The following HMCN1 variants were observed in gnomAD, a reference collection of about 807,000 sequenced individuals.
The protein encoded by HMCN1 is hemicentin-1.
A neutral mutation model predicts 625.9 loss-of-function variants in HMCN1; 321 were observed. The ratio of observed to expected loss-of-function variants is 0.51; its 90% CI spans 0.47 to 0.56. The LOEUF is 0.56. HMCN1 is among the 20% of genes least tolerant of loss of function. The pLI is 0.00. For missense variants in HMCN1, 6,588 were observed against 6,887.3 expected, an observed-to-expected ratio of 0.96 and a Z score of 1.54; for synonymous variants, 2,425 against 2,417.6, an observed-to-expected ratio of 1.00 and a Z score of -0.09.
In HMCN1 at chr1:186,136,844, G is replaced by A. The variant is rs1207832059; in HGVS notation, c.13489G>A (p.Ala4497Thr). ...NVLSNNSLYI[A>T]DAQKEDTSEF... ...GTTGTCCAACAACTCATTATATATT[G>A]CTGATGCTCAGAAAGAAGATACCTC... The change falls in exon 87 of 107, where the codon GCT (alanine) becomes ACT (threonine). Residue 4497 changes from alanine (A) to threonine (T), a missense_variant. Physicochemically the swap from Ala to Thr is moderately conservative, Grantham distance 58. Coordinates refer to ENST00000271588, the MANE Select transcript of HMCN1 (RefSeq NM_031935.3). The A allele has an allele frequency of 5.0e-6, 8 of 1,613,916 alleles. No individual in the cohort carries two copies. The highest frequency in any genetic ancestry group is 6.8e-6 in the Non-Finnish European group (8 of 1,179,946).
At chr1:186,037,315 T>C (rs1655898407) in intron 36 of HMCN1, among the ~76,000 whole-genome samples, 1 of 152,212 alleles carries the variant, frequency 6.6e-6, no homozygotes, top group Non-Finnish European at 1.5e-5. Context: ...ATTTCTTTTA[T>C]ATTATGCCTC....
At chr1:186,176,397 CTA>C (rs1290989474) in intron 103 of HMCN1, among the ~76,000 whole-genome samples, 1 of 152,156 alleles carries the variant, frequency 6.6e-6, no homozygotes, top group African/African-American at 2.4e-5. Context: ...TAAATACAAA[CTA>C]GAGATGTGAT....
rs780879946 is a variant in HMCN1 at position 186,065,480 on chromosome 1, C to G, written c.7705+51C>G. On this transcript the variant is annotated intron_variant, in intron 49 of 106. Transcript: ENST00000271588. ...TTAAAGAATCTGACATGACTGTAGG[C>G]TAAATTTTCTTTTCTTTTTCTGTTC... 2.2e-6 allele frequency: 3 copies of G among 1,365,192 alleles called. No individual in the cohort carries two copies. The Admixed American group carries it at 7.5e-5, about 34-fold the overall frequency. 84.6% of individuals were successfully genotyped at this position (1,365,192 alleles called of 1,614,324 possible). A position where few individuals can be genotyped will look rare whatever the true frequency, so the allele number is the denominator to read the frequency against.
chr1:186,148,450 A>G (rs1411572123), intron 93 of HMCN1, among the ~76,000 whole-genome samples: 2 of 152,278 alleles, frequency 1.3e-5, no homozygotes, highest in East Asian at 3.9e-4. Flanking sequence ...TTTTCAATTT[A>G]CTTTGCCCAG....
At chr1:185,959,261 C>A (rs10157843) in intron 11 of HMCN1, among the ~76,000 whole-genome samples, 3 of 151,986 alleles carry the variant, frequency 2.0e-5, no homozygotes, top group Admixed American at 6.6e-5. Context: ...CAAATCAGAC[C>A]CAGCTGACAG....
intron 68 of HMCN1, among the ~76,000 whole-genome samples, chr1:186,098,905 A>G (rs1334258229): frequency 1.3e-5 from 2 of 152,146 alleles, no homozygotes; most frequent in African/African-American, 4.8e-5. Flanking sequence ...ACATTAAACT[A>G]TGTGAAATTA....
intron 100 of HMCN1, among the ~76,000 whole-genome samples, chr1:186,170,606 T>C (rs943236677): frequency 1.3e-5 from 2 of 152,074 alleles, no homozygotes; most frequent in African/African-American, 4.8e-5. Context: ...GAGGGAATGA[T>C]TGATGGACTA....
intron 11 of HMCN1, among the ~76,000 whole-genome samples, chr1:185,951,480 A>C (rs28792457): frequency 0.069 from 9,969 of 143,574 alleles, 872 homozygotes; most frequent in African/African-American, 0.2. Context: ...GATGGGCTTA[A>C]CTTCCACTGT....
Position 186,019,566 on chromosome 1 carries a change from C to G in HMCN1, c.5496C>G (p.Gly1832=). The change falls in exon 35 of 107, where the codon GGC becomes GGG. Residue 1832 remains glycine (G), a synonymous_variant. Transcript: ENST00000271588. The stretch of plus-strand genomic sequence containing the variant: ...TTCCTCCAACAATCAAGTCCTCAGG[C>G]CTTTCTGAGAGAGTTGTGGTAAAAT... ...VHVPPTIKSS[G]LSERVVVKYK... The G allele has an allele frequency of 6.2e-7, 1 of 1,610,562 alleles. No individual in the cohort carries two copies. The highest frequency in any genetic ancestry group is 8.5e-7 in the Non-Finnish European group (1 of 1,177,106).
At chr1:185,912,402 T>TA (rs1248676512) in intron 6 of HMCN1, among the ~76,000 whole-genome samples, 1 of 152,204 alleles carries the variant, frequency 6.6e-6, no homozygotes, top group Non-Finnish European at 1.5e-5. Flanking sequence ...ATTTATATCC[T>TA]AAACTTATCT....
Position 186,095,317 on chromosome 1 carries a change from T to G in HMCN1, c.10369T>G (p.Cys3457Gly). The change falls in exon 68 of 107, where the codon TGC becomes GGC. Residue 3457 changes from cysteine (C) to glycine (G), a missense_variant. Coordinates refer to ENST00000271588, the MANE Select transcript of HMCN1 (RefSeq NM_031935.3). ...VLKGSSTSMA[C>G]ITDGTPAPSM... is the part of the protein sequence containing the mutation. ...CAAAGGTAGTTCCACCTCTATGGCA[T>G]GCATTACTGATGGAACCCCAGCTCC... 1 of 1,613,774 alleles carries G rather than the reference T, an allele frequency of 6.2e-7. No individual in the cohort carries two copies. The highest frequency in any genetic ancestry group is 8.5e-7 in the Non-Finnish European group (1 of 1,179,834).
chr1:185,833,696 A>G (rs933787622), intron 1 of HMCN1, among the ~76,000 whole-genome samples: 1 of 152,090 alleles, frequency 6.6e-6, no homozygotes, highest in Non-Finnish European at 1.5e-5. Context: ...AGTTCTATTA[A>G]TGTCTATTAT....
In HMCN1 at chr1:186,017,452, T is replaced by C. The variant is rs572128658; in HGVS notation, c.5300+381T>C. Reference sequence around the variant, plus strand: ...GAGTATACCAGACATAGTAGGTAAATAGAGAAAGTTAACATGAGTATGTGT... The same window carrying C: ...GAGTATACCAGACATAGTAGGTAAACAGAGAAAGTTAACATGAGTATGTGT... On this transcript the variant is annotated intron_variant, in intron 33 of 106. Transcript: ENST00000271588. 1.1e-4 allele frequency among the ~76,000 whole-genome samples: 16 copies of C among 152,134 alleles called. No homozygotes were observed. The East Asian group carries it at 3.1e-3, about 29-fold the overall frequency.
chr1:186,000,550 T>A (rs963495892), intron 26 of HMCN1, among the ~76,000 whole-genome samples: 1 of 114,502 alleles, frequency 8.7e-6, no homozygotes, highest in Non-Finnish European at 1.8e-5. Context: ...AGGGTGTGTG[T>A]GTGTGTGTAT....
intron 1 of HMCN1, among the ~76,000 whole-genome samples, chr1:185,781,645 T>C (rs1571342588): frequency 6.6e-6 from 1 of 152,246 alleles, no homozygotes; most frequent in Non-Finnish European, 1.5e-5. Context: ...AGTTTCCATG[T>C]AGTTGAGCCA....
chr1:186,187,839 T>C (rs758799068), intron 105 of HMCN1, 44 bp from the exon 106 acceptor site: 3 of 1,612,852 alleles, frequency 1.9e-6, no homozygotes, highest in South Asian at 2.2e-5. Flanking sequence ...TGGCCTTCTC[T>C]CACCCTCACT....
chr1:186,038,082 G>A, intron 37 of HMCN1, 47 bp downstream of exon 37: 1 of 1,252,978 alleles, frequency 8.0e-7, no homozygotes, highest in Non-Finnish European at 1.2e-6. Context: ...AAGATTTCTG[G>A]GAATAACTGA....
At chr1:185,993,936 T>C (rs919423401) in intron 23 of HMCN1, among the ~76,000 whole-genome samples, 2 of 152,078 alleles carry the variant, frequency 1.3e-5, no homozygotes, top group Non-Finnish European at 2.9e-5. Context: ...TGTGTCCCCA[T>C]TGATTATGTG....
At chr1:185,892,685 C>T (rs1467446775) in intron 4 of HMCN1, among the ~76,000 whole-genome samples, 8,505 of 150,412 alleles carry the variant, frequency 0.057, 890 homozygotes, top group African/African-American at 0.2. Flanking sequence ...TCTCCAGCTG[C>T]CTACTGGGAG....
Sources: allele counts gnomAD v4.1 joint callset (sites outside exome capture counted in the v4.1 genomes callset), GRCh38; gene constraint gnomAD v4.1.1; transcripts MANE v1.5; gene names NCBI Gene and HGNC (gene_info 2026-07-23, HGNC 2026-07-21).